The following PLCL1 variants were observed in gnomAD, a reference collection of about 807,000 sequenced individuals.
PLCL1 encodes inactive phospholipase C-like protein 1.
PLCL1 carries 41 observed loss-of-function variants against 84.4 expected under a neutral mutation model. That is an observed-to-expected ratio of 0.49 (90% CI 0.38 to 0.63). PLCL1 has a LOEUF of 0.63. PLCL1 is among the 30% of genes least tolerant of loss of function. The pLI, the probability that PLCL1 is intolerant of heterozygous loss-of-function variation, is 0.00. For synonymous variants in PLCL1, 490 were observed against 488.3 expected (o/e 1.00, Z -0.05); for missense variants, 1,206 against 1,367.8 (o/e 0.88, Z 1.87).
At chr2:197,907,091 G>A (rs1345171740) in intron 1 of PLCL1, among the ~76,000 whole-genome samples, 20 of 133,576 alleles carry the variant, frequency 1.5e-4, no homozygotes, top group Non-Finnish European at 1.6e-5. Flanking sequence ...ATACCGAATG[G>A]GCAAAAGCTG....
At chr2:197,848,265 C>G (rs976016607) in intron 1 of PLCL1, among the ~76,000 whole-genome samples, 4 of 151,980 alleles carry the variant, frequency 2.6e-5, no homozygotes, top group African/African-American at 9.7e-5. Context: ...CATTAACCAC[C>G]GAATTCTGAC....
chr2:198,074,348 A>T (rs1692530143), intron 1 of PLCL1, among the ~76,000 whole-genome samples: 1 of 152,204 alleles, frequency 6.6e-6, no homozygotes, highest in African/African-American at 2.4e-5. Flanking sequence ...AGCTCCAATA[A>T]CACTCTATGA....
chr2:197,853,244 A>G (rs138969988), intron 1 of PLCL1, among the ~76,000 whole-genome samples: 185 of 152,314 alleles, frequency 1.2e-3, no homozygotes, highest in African/African-American at 4.2e-3. Flanking sequence ...GGTATGTACC[A>G]TATTTTGTTT....
At position 198,147,030 on chromosome 2, in the gene PLCL1, C is replaced by A; in HGVS notation, c.*68C>A. 7.5e-7 allele frequency: 1 copy of A among 1,337,182 alleles called. No homozygotes were observed. The highest frequency in any genetic ancestry group is 1.0e-6 in the Non-Finnish European group (1 of 992,824). The allele number at this position is 1,337,182 out of a possible 1,614,324, so 82.8% of individuals were successfully genotyped here. On this transcript the variant is annotated 3_prime_UTR_variant, in exon 6 of 6. Coordinates refer to ENST00000428675, the MANE Select transcript of PLCL1 (RefSeq NM_006226.4). ...CTGGTTTCTCATTCTTGTTTTCTTT[C>A]TTTAAATGTTTTATAAGTTCACAAA...
chr2:197,810,272 C>G (rs1690557021), intron 1 of PLCL1: 1 of 1,267,546 alleles, frequency 7.9e-7, no homozygotes, highest in Non-Finnish European at 1.0e-6. Context: ...CAGGGTCTTT[C>G]TGATGTGATT....
intron 1 of PLCL1, among the ~76,000 whole-genome samples, chr2:197,821,703 T>C (rs1250478011): frequency 6.6e-6 from 1 of 152,126 alleles, no homozygotes; most frequent in African/African-American, 2.4e-5. Flanking sequence ...CACTGGCCCA[T>C]TGGCCCAGTG....
At position 197,991,368 on chromosome 2, in the gene PLCL1, A is replaced by G. The variant is rs7567065; in HGVS notation, c.241-92390A>G. ...CAGATGATGGGATTTCTCAAACTCT[A>G]TAGTGGCATGAGCCAATTACTCATA... On this transcript the variant is annotated intron_variant, in intron 1 of 5. Coordinates refer to ENST00000428675, the MANE Select transcript of PLCL1 (RefSeq NM_006226.4). 1.6e-3 allele frequency among the ~76,000 whole-genome samples: 237 copies of G among 152,214 alleles called. 1 individual carries two copies. The highest frequency in any genetic ancestry group is 5.5e-3 in the African/African-American group (227 of 41,534).
intron 1 of PLCL1, among the ~76,000 whole-genome samples, chr2:197,883,065 AG>A (rs1687858068): frequency 6.6e-6 from 1 of 152,176 alleles, no homozygotes; most frequent in Admixed American, 6.6e-5. Context: ...GACGGGACAG[AG>A]CTTGAGAGAG....
intron 1 of PLCL1, among the ~76,000 whole-genome samples, chr2:198,052,695 T>G (rs1445757766): frequency 1.3e-5 from 2 of 152,224 alleles, no homozygotes; most frequent in Non-Finnish European, 2.9e-5. Context: ...TTTTGAAATG[T>G]GGGGCCTTTT....
At chr2:198,126,695 A>C (rs1198264216) in intron 5 of PLCL1, among the ~76,000 whole-genome samples, 1 of 152,144 alleles carries the variant, frequency 6.6e-6, no homozygotes, top group Non-Finnish European at 1.5e-5. Context: ...CCTTGAGCTC[A>C]GGAGTTCCAG....
At chr2:197,975,697 T>G (rs1379449059) in intron 1 of PLCL1, among the ~76,000 whole-genome samples, 1 of 152,100 alleles carries the variant, frequency 6.6e-6, no homozygotes, top group Non-Finnish European at 1.5e-5. Context: ...TTCCAGCTAC[T>G]CAGGAGGCTG....
chr2:198,119,767 T>C lies in PLCL1; in HGVS notation c.3105+15831T>C, dbSNP rs1174294521. 3.9e-5 allele frequency among the ~76,000 whole-genome samples: 6 copies of C among 151,988 alleles called. No homozygotes were observed. The South Asian group carries it at 1.2e-3, about 31-fold the overall frequency. ...ACTAAATGTTAATGATGTGTCCCTA[T>C]GTCTTTTTCTCATACAAAATCCTGC... On this transcript the variant is annotated intron_variant, in intron 5 of 5. Transcript: ENST00000428675.
intron 5 of PLCL1, among the ~76,000 whole-genome samples, chr2:198,125,194 G>A (rs1177083999): frequency 6.6e-6 from 1 of 152,038 alleles, no homozygotes; most frequent in Non-Finnish European, 1.5e-5. Context: ...GTCCACTTTT[G>A]GCTGCAGGCC....
intron 1 of PLCL1, among the ~76,000 whole-genome samples, chr2:197,989,715 AAAC>A (rs1478069581): frequency 2.0e-5 from 3 of 151,992 alleles, no homozygotes; most frequent in African/African-American, 7.3e-5. Context: ...AAACAAAACA[AAAC>A]AAAACAAAAA....
At chr2:198,059,659 C>T (rs778773265) in intron 1 of PLCL1, among the ~76,000 whole-genome samples, 2 of 152,032 alleles carry the variant, frequency 1.3e-5, no homozygotes, top group Non-Finnish European at 1.5e-5. Flanking sequence ...AAGCTAGCCC[C>T]CTGCCTCCTC....
rs1692825911 is a variant in PLCL1 at position 198,084,948 on chromosome 2, A to C, written c.1431A>C (p.Lys477Asn). The C allele has an allele frequency of 1.9e-6, 3 of 1,614,004 alleles. No homozygotes were observed. The highest frequency in any genetic ancestry group is 2.5e-6 in the Non-Finnish European group (3 of 1,179,970). ...GAAGTGTCATAGAGGTAATAAATAAATTTGCCTTTGTTGCTTCTGAATACC... is the reference window on the plus strand; with the variant it reads ...GAAGTGTCATAGAGGTAATAAATAACTTTGCCTTTGTTGCTTCTGAATACC... ...SFRSVIEVIN[K>N]FAFVASEYPL... The change falls in exon 2 of 6, where the codon AAA becomes AAC. Residue 477 changes from lysine to asparagine, a missense_variant. Transcript: ENST00000428675.
At chr2:197,899,340 C>T (rs867621927) in intron 1 of PLCL1, among the ~76,000 whole-genome samples, 5 of 152,002 alleles carry the variant, frequency 3.3e-5, no homozygotes, top group Non-Finnish European at 7.4e-5. Context: ...GTCATTTTCA[C>T]ATCTAGGATG....
intron 1 of PLCL1, among the ~76,000 whole-genome samples, chr2:197,922,908 C>A (rs1401539967): frequency 8.0e-6 from 1 of 125,698 alleles, no homozygotes; most frequent in African/African-American, 2.9e-5. Flanking sequence ...GGGGGGCTGA[C>A]CCCCCCACCT....
chr2:197,896,023 C>G (rs1280931890), intron 1 of PLCL1, among the ~76,000 whole-genome samples: 2 of 151,734 alleles, frequency 1.3e-5, no homozygotes, highest in African/African-American at 4.8e-5. Context: ...TTTTGGAATG[C>G]CTGGCTGAGA....
Sources: gnomAD v4.1 joint callset for allele counts (sites outside exome capture counted in the v4.1 genomes callset) on GRCh38, gnomAD v4.1.1 for gene constraint, MANE v1.5 for transcripts, NCBI Gene and HGNC (gene_info 2026-07-23, HGNC 2026-07-21) for gene names.